Variants in RGS7 observed in about 807,000 individuals in gnomAD.
The protein encoded by RGS7 is regulator of G protein signaling 7.
RGS7 carries 27 observed loss-of-function variants against 81.1 expected under a neutral mutation model. The observed-to-expected ratio is 0.33, with a 90% CI of 0.25 to 0.46. The LOEUF is 0.46. Among genes scored for constraint, RGS7 ranks in the 20% least tolerant of loss-of-function variants. RGS7 has a pLI of 1.00. For missense variants in RGS7, 396 were observed against 607.4 expected (o/e 0.65, Z 3.66); for synonymous variants, 208 against 207.7 (o/e 1.00, Z -0.01).
chr1:241,295,072 C>T (rs2079322152), intron 2 of RGS7, among the ~76,000 whole-genome samples: 1 of 152,178 alleles, frequency 6.6e-6, no homozygotes, highest in Admixed American at 6.5e-5. Context: ...ATTTTAGTTC[C>T]TTCCTACTAT....
intron 10 of RGS7, 34 bp from the exon 11 acceptor site, chr1:240,816,449 A>G (rs1490226584): frequency 7.4e-7 from 1 of 1,356,316 alleles, no homozygotes; most frequent in East Asian, 2.3e-5. Context: ...ATTTTAGGAC[A>G]AAATACCGTT....
At chr1:241,230,834 C>T (rs2075618746) in intron 2 of RGS7, among the ~76,000 whole-genome samples, 2 of 152,144 alleles carry the variant, frequency 1.3e-5, no homozygotes, top group Non-Finnish European at 2.9e-5. Flanking sequence ...TTTGGTTGTC[C>T]CCATATTGCT....
intron 6 of RGS7, among the ~76,000 whole-genome samples, chr1:240,903,097 G>C (rs554241835): frequency 1.3e-5 from 2 of 152,180 alleles, no homozygotes; most frequent in Non-Finnish European, 2.9e-5. Context: ...GCAGAGTTCA[G>C]ACTTTTCAAG....
At chr1:241,321,598 A>G (rs1007695169) in intron 2 of RGS7, among the ~76,000 whole-genome samples, 2 of 152,176 alleles carry the variant, frequency 1.3e-5, no homozygotes, top group Non-Finnish European at 2.9e-5. Context: ...GAACACTATC[A>G]TTTGTGCAGA....
intron 2 of RGS7, among the ~76,000 whole-genome samples, chr1:241,235,298 A>G (rs1915886): frequency 0.58 from 88,559 of 152,046 alleles, 26,002 homozygotes; most frequent in African/African-American, 0.61. Flanking sequence ...CAGATAATCT[A>G]ACTTCCAACT....
chr1:240,816,510 C>G, intron 10 of RGS7, 95 bp from the exon 11 acceptor site: 1 of 783,294 alleles, frequency 1.3e-6, no homozygotes, highest in South Asian at 1.5e-5. Flanking sequence ...TCAGTAAGGT[C>G]TCTCAAAGCT....
rs535150389 is a variant in RGS7 at position 240,871,023 on chromosome 1, G to A, written c.386-904C>T. On this transcript the variant is annotated intron_variant, in intron 6 of 18. Coordinates refer to ENST00000440928, the MANE Select transcript of RGS7 (RefSeq NM_001364886.1). ...GTCCATCTGGGCAGCAGATTTATAG[G>A]AGAAGGTGGTGACAGCAGTGTTGCA... Among the ~76,000 whole-genome samples, 5 of 152,272 alleles carry A rather than the reference G, an allele frequency of 3.3e-5. No individual in the cohort carries two copies. The East Asian group carries it at 7.7e-4, about 24-fold the overall frequency.
intron 2 of RGS7, among the ~76,000 whole-genome samples, chr1:241,343,953 G>T (rs147664598): frequency 0.01 from 1,561 of 152,214 alleles, 18 homozygotes; most frequent in Non-Finnish European, 0.013. Flanking sequence ...TTGAGTAAGA[G>T]GTGTCCCTTA....
At chr1:241,199,891 C>G (rs980982859) in intron 2 of RGS7, among the ~76,000 whole-genome samples, 1 of 152,176 alleles carries the variant, frequency 6.6e-6, no homozygotes, top group Non-Finnish European at 1.5e-5. Context: ...GTACTGCCTG[C>G]TAGCTGTAGG....
At chr1:241,171,740 C>A (rs2070749065) in intron 2 of RGS7, among the ~76,000 whole-genome samples, 1 of 152,126 alleles carries the variant, frequency 6.6e-6, no homozygotes, top group Non-Finnish European at 1.5e-5. Flanking sequence ...GACACAGGTC[C>A]ACGAATGGGA....
At chr1:241,052,412 A>G (rs1294439911) in intron 3 of RGS7, among the ~76,000 whole-genome samples, 1 of 152,134 alleles carries the variant, frequency 6.6e-6, no homozygotes, top group Non-Finnish European at 1.5e-5. Context: ...AGGTATTTCC[A>G]GTCAGGGATA....
chr1:240,982,498 T>A (rs975710272), intron 4 of RGS7, among the ~76,000 whole-genome samples: 1 of 151,168 alleles, frequency 6.6e-6, no homozygotes. Flanking sequence ...CAATGCAAAG[T>A]GTGAACTCAT....
intron 2 of RGS7, among the ~76,000 whole-genome samples, chr1:241,289,140 G>C (rs1198422321): frequency 1.3e-5 from 2 of 152,150 alleles, no homozygotes; most frequent in Non-Finnish European, 2.9e-5. Context: ...CCCCATACCT[G>C]GGACAATGCA....
intron 4 of RGS7, among the ~76,000 whole-genome samples, chr1:240,965,650 T>TCACACTC (rs1190453563): frequency 6.6e-6 from 1 of 152,134 alleles, no homozygotes; most frequent in Non-Finnish European, 1.5e-5. Flanking sequence ...GCCAGACACT[T>TCACACTC]CACACTCCAC....
intron 2 of RGS7, among the ~76,000 whole-genome samples, chr1:241,291,757 G>A (rs552673721): frequency 3.0e-4 from 46 of 151,758 alleles, no homozygotes; most frequent in African/African-American, 1.1e-3. Context: ...TGTATTTTTT[G>A]TAGAGACAGG....
Position 241,098,698 on chromosome 1 carries a change from C to T in RGS7, c.143G>A (p.Ser48Asn). The change falls in exon 3 of 19, where the codon AGC becomes AAC. Residue 48 changes from serine (S) to asparagine (N), a missense_variant. Coordinates refer to ENST00000440928, the MANE Select transcript of RGS7 (RefSeq NM_001364886.1). ...KNGIPIRTVKSFLSKIPSVFS... is the reference protein window; with the variant it reads ...KNGIPIRTVKNFLSKIPSVFS... The stretch of plus-strand genomic sequence containing the variant: ...GACGCTAGGTATCTTGGAAAGAAAG[C>T]TTTTGACCGTACGAATAGGAATTCC... The T allele has an allele frequency of 6.2e-7, 1 of 1,613,704 alleles. No homozygotes were observed. The highest frequency in any genetic ancestry group is 8.5e-7 in the Non-Finnish European group (1 of 1,179,800).
chr1:241,274,713 T>C (rs2078099093), intron 2 of RGS7, among the ~76,000 whole-genome samples: 1 of 152,158 alleles, frequency 6.6e-6, no homozygotes, highest in Non-Finnish European at 1.5e-5. Flanking sequence ...ATGAATACAA[T>C]TATATTACTA....
chr1:240,973,309 A>G (rs1683543445), intron 4 of RGS7, among the ~76,000 whole-genome samples: 1 of 152,024 alleles, frequency 6.6e-6, no homozygotes. Flanking sequence ...ACCTGAGGTC[A>G]GGAGTTTGAG....
chr1:241,311,040 C>A (rs1157627492), intron 2 of RGS7, among the ~76,000 whole-genome samples: 1 of 152,136 alleles, frequency 6.6e-6, no homozygotes, highest in Non-Finnish European at 1.5e-5. Flanking sequence ...CATCTTTTGT[C>A]ATCTTTTGAT....
Sources: allele counts gnomAD v4.1 joint callset (sites outside exome capture counted in the v4.1 genomes callset), GRCh38; gene constraint gnomAD v4.1.1; transcripts MANE v1.5; gene names NCBI Gene and HGNC (gene_info 2026-07-23, HGNC 2026-07-21).